Variants in TBXAS1 observed in about 807,000 individuals in gnomAD.
TBXAS1 encodes the protein thromboxane-A synthase.
TBXAS1 carries 48 observed loss-of-function variants against 60.7 expected under a neutral mutation model. That is an observed-to-expected ratio of 0.79 (90% CI 0.63 to 1.01). The LOEUF is 1.01. Among genes scored for constraint, TBXAS1 ranks in the 50% least tolerant of loss-of-function variants. The pLI is 0.00. For synonymous variants in TBXAS1, 287 were observed against 269.7 expected (o/e 1.06, Z -0.63); for missense variants, 685 against 686.3 (o/e 1.00, Z 0.02).
intron 3 of TBXAS1, chr7:139,906,080 T>C (rs1205894445): frequency 7.2e-6 from 3 of 414,906 alleles, no homozygotes; most frequent in Non-Finnish European, 1.4e-5. Context: ...CTTTTTTTTT[T>C]TTTCTCACTC....
intron 8 of TBXAS1, among the ~76,000 whole-genome samples, chr7:139,961,465 C>A (rs762581346): frequency 1.3e-5 from 2 of 152,222 alleles, no homozygotes; most frequent in South Asian, 2.1e-4. Flanking sequence ...GGTTTTCCCA[C>A]CTCCTCCAGC....
rs57244136 is a variant in TBXAS1 at position 139,975,771 on chromosome 7, G to A, written c.1134+13538G>A. Among the ~76,000 whole-genome samples, 9,967 of 152,182 alleles carry A rather than the reference G, an allele frequency of 0.065. 475 individuals carry two copies. The highest frequency in any genetic ancestry group is 0.13 in the African/African-American group (5,388 of 41,490). On this transcript the variant is annotated intron_variant, in intron 9 of 12. Coordinates refer to ENST00000448866, the MANE Select transcript of TBXAS1 (RefSeq NM_001061.7). This position sits in a 1 kb window ranked among gnomAD's most constrained non-coding sequence, Gnocchi z 4.4. ...CTCCCTCTTGCCATGTCCTTTTCAC[G>A]GTCCATCCTCTGAGTTTGTGAATTA...
chr7:139,876,671 C>A (rs1235377786), intron 3 of TBXAS1, among the ~76,000 whole-genome samples: 2 of 152,158 alleles, frequency 1.3e-5, no homozygotes, highest in African/African-American at 4.8e-5. Flanking sequence ...CAGTTTTGGT[C>A]AAGTTCTTCT....
intron 1 of TBXAS1, among the ~76,000 whole-genome samples, chr7:139,841,249 GA>G (rs1799426610): frequency 6.6e-6 from 1 of 152,220 alleles, no homozygotes; most frequent in African/African-American, 2.4e-5. Flanking sequence ...TCGAGAAGCA[GA>G]AGGTCTTGGG....
At chr7:139,939,519 G>A (rs1290118370) in intron 5 of TBXAS1, among the ~76,000 whole-genome samples, 3 of 151,682 alleles carry the variant, frequency 2.0e-5, no homozygotes, top group South Asian at 2.1e-4. Context: ...TTGGGTTTGC[G>A]TTTGAAAGGA....
chr7:139,814,014 T>C (rs1419744295), intron 4 of TBXAS1, among the ~76,000 whole-genome samples: 2 of 152,190 alleles, frequency 1.3e-5, no homozygotes, highest in Non-Finnish European at 2.9e-5. Context: ...TTGTGTGGCA[T>C]TGATGCTGCC....
rs534005837 is a variant in TBXAS1, at chr7:139,998,134, T to C, written c.1135-8957T>C. 1.3e-5 allele frequency among the ~76,000 whole-genome samples: 2 copies of C among 152,266 alleles called. 1 individual carries two copies. The highest frequency in any genetic ancestry group is 4.8e-5 in the African/African-American group (2 of 41,556). ...AGACCGAAAAGCCTGCATGGAAATA[T>C]TTCATTTATAGGAAGTTCAAGACAA... On this transcript the variant is annotated intron_variant, in intron 9 of 12. Transcript: ENST00000448866.
At chr7:139,879,069 T>C (rs998955142) in intron 3 of TBXAS1, among the ~76,000 whole-genome samples, 11 of 152,204 alleles carry the variant, frequency 7.2e-5, no homozygotes, top group African/African-American at 2.7e-4. Flanking sequence ...GGCTCAAAAC[T>C]GGAAATTGAC....
chr7:139,854,358 CG>C (rs1239778577), intron 1 of TBXAS1, among the ~76,000 whole-genome samples: 1 of 152,050 alleles, frequency 6.6e-6, no homozygotes, highest in Non-Finnish European at 1.5e-5. Flanking sequence ...AAGCTGTGGC[CG>C]GATCACCAAA....
intron 9 of TBXAS1, among the ~76,000 whole-genome samples, chr7:139,986,755 A>ATATATGTGTGTGTG (rs1316978387): frequency 1.3e-5 from 1 of 79,744 alleles, no homozygotes; most frequent in Non-Finnish European, 2.3e-5. Context: ...ATATATATAT[A>ATATATGTGTGTGTG]TGTGTGTGTG....
At chr7:139,996,310 G>A (rs1266894980) in intron 9 of TBXAS1, among the ~76,000 whole-genome samples, 1 of 152,090 alleles carries the variant, frequency 6.6e-6, no homozygotes, top group Non-Finnish European at 1.5e-5. Flanking sequence ...CACTGTCCAG[G>A]AGATCTGAGA....
chr7:139,819,203 C>T (rs1798229828), intron 4 of TBXAS1, among the ~76,000 whole-genome samples: 1 of 152,222 alleles, frequency 6.6e-6, no homozygotes, highest in African/African-American at 2.4e-5. Flanking sequence ...AGAGTGTGTA[C>T]ACCACCTCCA....
At chr7:139,996,468 C>T (rs1450118970) in intron 9 of TBXAS1, among the ~76,000 whole-genome samples, 1 of 152,186 alleles carries the variant, frequency 6.6e-6, no homozygotes, top group Admixed American at 6.5e-5. Flanking sequence ...CCCACTTCTA[C>T]GCCAAGCTGC....
chr7:139,920,850 C>T (rs895284511), intron 4 of TBXAS1, among the ~76,000 whole-genome samples: 9 of 152,194 alleles, frequency 5.9e-5, no homozygotes, highest in Non-Finnish European at 8.8e-5. Context: ...TAGGACAGAC[C>T]TCCTCTGTTC....
At chr7:140,000,192 T>C (rs976674440) in intron 9 of TBXAS1, among the ~76,000 whole-genome samples, 13 of 152,208 alleles carry the variant, frequency 8.5e-5, no homozygotes, top group Non-Finnish European at 1.6e-4. Context: ...GGTTAATCTA[T>C]TGTATTTAAA....
chr7:139,952,328 G>A (rs1347108599), intron 5 of TBXAS1, among the ~76,000 whole-genome samples: 4 of 152,178 alleles, frequency 2.6e-5, no homozygotes, highest in African/African-American at 4.8e-5. Context: ...TGAGCCAGGC[G>A]CTGTTCTAGG....
chr7:139,905,059 C>CTTTCTT (rs56752847), intron 3 of TBXAS1, among the ~76,000 whole-genome samples: 2,035 of 113,464 alleles, frequency 0.018, 25 homozygotes, highest in Non-Finnish European at 0.024. Flanking sequence ...TTCTTTCTTT[C>CTTTCTT]TCTCTCTCTC....
In TBXAS1 at chr7:139,881,858, C is replaced by A. The variant is rs115861018; in HGVS notation, c.236+6221C>A. Reference sequence around the variant, plus strand: ...GCCTCCAAGTTGGAGGTTTTTAGCACCATTTTTAAAATTTAATTAGCTAGC... The same window carrying A: ...GCCTCCAAGTTGGAGGTTTTTAGCAACATTTTTAAAATTTAATTAGCTAGC... On this transcript the variant is annotated intron_variant, in intron 3 of 12. Transcript: ENST00000448866. 7.1e-3 allele frequency among the ~76,000 whole-genome samples: 1,082 copies of A among 152,226 alleles called. 16 individuals carry two copies. The highest frequency in any genetic ancestry group is 0.025 in the African/African-American group (1,056 of 41,518).
chr7:139,938,244 G>A (rs146217016), intron 5 of TBXAS1, among the ~76,000 whole-genome samples: 283 of 152,178 alleles, frequency 1.9e-3, no homozygotes, highest in African/African-American at 5.1e-3. Flanking sequence ...TAGATGCAGC[G>A]GTTGGCCAGT....
Sources: allele counts gnomAD v4.1 joint callset (sites outside exome capture counted in the v4.1 genomes callset), GRCh38; gene constraint gnomAD v4.1.1; non-coding constraint Gnocchi (gnomAD v3.1); transcripts MANE v1.5; gene names NCBI Gene and HGNC (gene_info 2026-07-23, HGNC 2026-07-21).